RGS9: variants seen among roughly 807,000 people sequenced by gnomAD.
RGS9 encodes regulator of G protein signaling 9.
A neutral mutation model predicts 102.0 loss-of-function variants in RGS9; 78 were observed. That is an observed-to-expected ratio of 0.76 (90% CI 0.64 to 0.92). The LOEUF (loss-of-function observed/expected upper bound fraction) is 0.92. Ranked by LOEUF, RGS9 falls within the 40% of genes least tolerant of loss-of-function variation. The probability of loss-of-function intolerance (pLI) is 0.00; values close to 1 mark genes in which losing one functional copy is unlikely to be tolerated. For synonymous variants in RGS9, 353 were observed against 318.6 expected, an observed-to-expected ratio of 1.11 and a Z score of -1.15; for missense variants, 833 against 866.1, an observed-to-expected ratio of 0.96 and a Z score of 0.48.
chr17:65,204,027 T>C, intron 14 of RGS9, 136 bp from the exon 15 acceptor site: 4 of 927,560 alleles, frequency 4.3e-6, no homozygotes, highest in South Asian at 2.9e-5. Flanking sequence ...TCATGCTCTT[T>C]AGTGTCTCCT....
chr17:65,215,474 C>CTTTCTTTCTT (rs1378047430), intron 17 of RGS9, among the ~76,000 whole-genome samples: 1 of 137,034 alleles, frequency 7.3e-6, no homozygotes, highest in African/African-American at 3.2e-5. Context: ...TTCTTTCTTT[C>CTTTCTTTCTT]TCTATCTTTC....
rs746667675 is a variant in RGS9 at position 65,225,016 on chromosome 17, G to A, written c.1422G>A (p.Met474Ile). The A allele has an allele frequency of 6.2e-7, 1 of 1,613,720 alleles. No individual in the cohort carries two copies. Among genetic ancestry groups the A allele is most frequent in the East Asian group, 2.2e-5 (1 of 44,848 alleles). Residue 474 changes from methionine to isoleucine, a missense_variant, in exon 18 of 19, where the codon ATG becomes ATA. By Grantham distance (10) the Met-to-Ile change is conservative (BLOSUM62 1). Transcript: ENST00000262406. ...CTTCTCTACAGCCGGGCCAGCACAT[G>A]GCTCCCAGCCCCCATCTGACCGTGT... Reference protein sequence around the residue: ...TVDITQPGQHMAPSPHLTVYT... With the variant: ...TVDITQPGQHIAPSPHLTVYT...
chr17:65,192,137 A>AATGTGTATTG (rs1333769699), intron 11 of RGS9, among the ~76,000 whole-genome samples: 7 of 152,332 alleles, frequency 4.6e-5, no homozygotes, highest in Non-Finnish European at 1.0e-4. Context: ...CAATACATAC[A>AATGTGTATTG]ATGTGTATTG....
chr17:65,207,936 C>T lies in RGS9; in HGVS notation c.1218C>T (p.Arg406=). ...YMLMKKDSYA[R]YLKSPIYKDM... is the part of the protein sequence containing the mutation. ...GTTCCCACTAGGATTCTTATGCTCG[C>T]TATTTAAAATCTCCGATCTATAAGG... Residue 406 remains arginine (R), a synonymous_variant, in exon 16 of 19, where the codon CGC becomes CGT. Coordinates refer to ENST00000262406, the MANE Select transcript of RGS9 (RefSeq NM_003835.4). 2.5e-6 allele frequency: 4 copies of T among 1,612,110 alleles called. No homozygotes were observed. The highest frequency in any genetic ancestry group is 3.4e-6 in the Non-Finnish European group (4 of 1,178,450).
At chr17:65,189,223 G>T (rs1912259458) in intron 9 of RGS9, 63 bp from the exon 10 acceptor site, 3 of 1,351,802 alleles carry the variant, frequency 2.2e-6, no homozygotes, top group Admixed American at 1.7e-5. Context: ...TTTTTCAAAT[G>T]GGTGTTTGAA....
At chr17:65,155,100 A>T (rs928981102) in intron 2 of RGS9, among the ~76,000 whole-genome samples, 5 of 152,224 alleles carry the variant, frequency 3.3e-5, no homozygotes, top group African/African-American at 9.6e-5. Context: ...CTCATGGAGG[A>T]AAAGGAAACA....
At chr17:65,188,212 A>G (rs1912207365) in intron 9 of RGS9, among the ~76,000 whole-genome samples, 1 of 152,230 alleles carries the variant, frequency 6.6e-6, no homozygotes, top group South Asian at 2.1e-4. Context: ...AGCCAGAGAT[A>G]GATCTGAATG....
chr17:65,186,805 A>C (rs1344406716), intron 9 of RGS9, among the ~76,000 whole-genome samples: 1 of 152,222 alleles, frequency 6.6e-6, no homozygotes, highest in Non-Finnish European at 1.5e-5. Flanking sequence ...CTTTGTAAAG[A>C]CTCAAAGAAG....
chr17:65,183,078 A>G (rs1042204480), intron 9 of RGS9, among the ~76,000 whole-genome samples: 1 of 149,400 alleles, frequency 6.7e-6, no homozygotes, highest in Non-Finnish European at 1.5e-5. Context: ...CTATCTATCT[A>G]TCTATCTATC....
At chr17:65,171,458 T>G (rs994516008) in intron 8 of RGS9, among the ~76,000 whole-genome samples, 3 of 152,200 alleles carry the variant, frequency 2.0e-5, no homozygotes, top group Admixed American at 6.5e-5. Context: ...AGCCCGATAT[T>G]CTGCTTCTGT....
At chr17:65,161,499 G>A (rs1910980795) in intron 6 of RGS9, among the ~76,000 whole-genome samples, 1 of 152,066 alleles carries the variant, frequency 6.6e-6, no homozygotes, top group Non-Finnish European at 1.5e-5. Context: ...TGATCTGCCT[G>A]CCTCGGCCTC....
intron 8 of RGS9, among the ~76,000 whole-genome samples, chr17:65,169,627 C>A (rs901802971): frequency 6.6e-6 from 1 of 152,204 alleles, no homozygotes; most frequent in African/African-American, 2.4e-5. Context: ...CCTCACTGTG[C>A]GAATGCCTAT....
intron 17 of RGS9, among the ~76,000 whole-genome samples, chr17:65,220,813 A>G (rs1250917630): frequency 1.3e-5 from 2 of 152,188 alleles, no homozygotes; most frequent in East Asian, 1.9e-4. Flanking sequence ...ATGTTAACAT[A>G]CCTGTTTCAT....
rs1212843827 is a variant in RGS9, at chr17:65,225,272, TC to T, written c.1681del (p.Leu561SerfsTer26). ...CTCTGTCACCGAGAGCAGCGAGGCCTCCCTCGACACCTCCTGGCCTCGCAGC... is the reference window on the plus strand; with the variant it reads ...CTCTGTCACCGAGAGCAGCGAGGCCTCCTCGACACCTCCTGGCCTCGCAGC... ...GPSVTESSEASLDTSWPRSRP... is the reference protein window; with the variant it reads ...GPSVTESSEAXLDTSWPRSRP... On this transcript the variant is annotated frameshift_variant, in exon 18 of 19. Coordinates refer to ENST00000262406, the MANE Select transcript of RGS9 (RefSeq NM_003835.4). LOFTEE classifies it high-confidence loss of function. The T allele has an allele frequency of 1.9e-6, 3 of 1,607,804 alleles. No individual in the cohort carries two copies. The highest frequency in any genetic ancestry group is 1.7e-6 in the Non-Finnish European group (2 of 1,179,734).
chr17:65,162,683 A>G (rs1467247003), intron 6 of RGS9, among the ~76,000 whole-genome samples: 1 of 151,322 alleles, frequency 6.6e-6, no homozygotes, highest in Non-Finnish European at 1.5e-5. Context: ...GTTAGCCATG[A>G]TGGTCTCGAT....
At position 65,225,359 on chromosome 17, in the gene RGS9, G is replaced by A. The variant is rs201578421; in HGVS notation, c.1765G>A (p.Gly589Ser). 59 of 1,611,700 alleles carry A rather than the reference G, an allele frequency of 3.7e-5. No individual in the cohort carries two copies. The highest frequency in any genetic ancestry group is 4.8e-5 in the Non-Finnish European group (57 of 1,180,038). ...GTCCTTCAGCAGGTTTCTGAGACGA[G>A]GCTGTCTGGCCTCACCTGTCTTTGC... ...ALSFSRFLRR[G>S]CLASPVFARL... Residue 589 changes from glycine (G) to serine (S), a missense_variant, in exon 18 of 19, where the codon GGC (glycine) becomes AGC (serine). Physicochemically the swap from Gly to Ser is moderately conservative, Grantham distance 56 (BLOSUM62 0). Transcript: ENST00000262406.
At chr17:65,157,476 T>A (rs1910809230) in intron 2 of RGS9, among the ~76,000 whole-genome samples, 1 of 151,854 alleles carries the variant, frequency 6.6e-6, no homozygotes, top group Non-Finnish European at 1.5e-5. Context: ...TAAATCTGAA[T>A]CCTTGAGGGG....
intron 8 of RGS9, among the ~76,000 whole-genome samples, chr17:65,169,029 T>A (rs1160153129): frequency 6.6e-6 from 1 of 152,212 alleles, no homozygotes; most frequent in East Asian, 1.9e-4. Flanking sequence ...GTGAATGAGA[T>A]TCTGGAAACC....
chr17:65,176,103 A>G (rs942121676), intron 8 of RGS9, among the ~76,000 whole-genome samples: 3 of 152,204 alleles, frequency 2.0e-5, no homozygotes, highest in African/African-American at 7.2e-5. Flanking sequence ...GGTTGGTCAC[A>G]TGTGCTGAGC....
Sources: allele counts gnomAD v4.1 joint callset (sites outside exome capture counted in the v4.1 genomes callset), GRCh38; gene constraint gnomAD v4.1.1; transcripts MANE v1.5; gene names NCBI Gene and HGNC (gene_info 2026-07-23, HGNC 2026-07-21).